The following TTC28 variants were observed in gnomAD, a reference collection of about 807,000 sequenced individuals.
TTC28 encodes the protein tetratricopeptide repeat domain 28, also known as tetratricopeptide repeat protein 28.
TTC28 carries 61 observed loss-of-function variants against 198.0 expected under a neutral mutation model. That is an observed-to-expected ratio of 0.31 (90% confidence interval 0.25 to 0.38). The LOEUF is 0.38. TTC28 is among the 10% of genes least tolerant of loss of function. The pLI is 1.00. For missense variants in TTC28, 2,678 were observed against 3,164.0 expected (o/e 0.85, Z 3.69); for synonymous variants, 1,171 against 1,297.8 (o/e 0.90, Z 2.10).
intron 1 of TTC28, among the ~76,000 whole-genome samples, chr22:28,643,831 T>G (rs2051409521): frequency 1.3e-5 from 2 of 152,220 alleles, no homozygotes; most frequent in South Asian, 4.1e-4. Flanking sequence ...TATTGAGCAC[T>G]TAATATGCCC....
At chr22:28,328,035 G>A (rs1042701510) in intron 2 of TTC28, among the ~76,000 whole-genome samples, 1 of 152,050 alleles carries the variant, frequency 6.6e-6, no homozygotes, top group African/African-American at 2.4e-5. Flanking sequence ...CAAGAGACAG[G>A]GAGTAAACAC....
At chr22:28,197,096 A>G (rs1925428990) in intron 5 of TTC28, among the ~76,000 whole-genome samples, 1 of 152,104 alleles carries the variant, frequency 6.6e-6, no homozygotes, top group South Asian at 2.1e-4. Context: ...CAGCCATAAA[A>G]AATAATGAAT....
Position 28,361,675 on chromosome 22 carries a change from T to A in TTC28, c.382-55032A>T, listed in dbSNP as rs144656796. ...CTACACCAAGCAATAGATTTTCAAT[T>A]TAAGTGCAACAGCCTTCTATTGGAA... On this transcript the variant is annotated intron_variant, in intron 2 of 22. Coordinates refer to ENST00000397906, the MANE Select transcript of TTC28 (RefSeq NM_001145418.2). Among the ~76,000 whole-genome samples the A allele has an allele frequency of 9.8e-4, 150 of 152,332 alleles. 3 individuals carry two copies. The East Asian group carries it at 0.027, about 28-fold the overall frequency.
intron 2 of TTC28, among the ~76,000 whole-genome samples, chr22:28,524,415 G>A (rs934172158): frequency 4.0e-5 from 6 of 149,040 alleles, no homozygotes; most frequent in South Asian, 2.1e-4. Flanking sequence ...AGCCGAGATC[G>A]CGCCACTGCA....
At chr22:28,153,290 C>T (rs1215448756) in intron 6 of TTC28, among the ~76,000 whole-genome samples, 2 of 151,078 alleles carry the variant, frequency 1.3e-5, no homozygotes, top group Non-Finnish European at 2.9e-5. Flanking sequence ...TACTCCAACC[C>T]ATGACTCCCA....
intron 2 of TTC28, among the ~76,000 whole-genome samples, chr22:28,579,524 T>C (rs2050202784): frequency 6.7e-6 from 1 of 149,242 alleles, no homozygotes; most frequent in African/African-American, 2.4e-5. Flanking sequence ...TGTATAGTTA[T>C]ATATAACTAT....
intron 2 of TTC28, among the ~76,000 whole-genome samples, chr22:28,581,312 G>A (rs1316681599): frequency 2.6e-5 from 4 of 152,140 alleles, no homozygotes; most frequent in Admixed American, 6.6e-5. Flanking sequence ...CACAGTACCC[G>A]TAAAGCCGGA....
intron 6 of TTC28, among the ~76,000 whole-genome samples, chr22:28,162,756 C>T (rs528297425): frequency 6.6e-6 from 1 of 152,232 alleles, no homozygotes; most frequent in South Asian, 2.1e-4. Context: ...CGAGACCAGC[C>T]TGGGCAACAT....
In TTC28 at chr22:28,505,079, AC is replaced by A. The variant is rs557679199; in HGVS notation, c.381+124472del. ...AGACCATCCTGGCTAACACGGTGAA[AC>A]CCCGTCTCTATTAAAAATACAAAAA... On this transcript the variant is annotated intron_variant, in intron 2 of 22. Coordinates refer to ENST00000397906, the MANE Select transcript of TTC28 (RefSeq NM_001145418.2). Among the ~76,000 whole-genome samples, 305 of 151,732 alleles carry A rather than the reference AC, an allele frequency of 2.0e-3. 2 individuals carry two copies. Among genetic ancestry groups the A allele is most frequent in the African/African-American group, 6.4e-3 (265 of 41,402 alleles).
Position 28,185,677 on chromosome 22 carries a change from C to T in TTC28, c.934-22078G>A, listed in dbSNP as rs989033782. On this transcript the variant is annotated intron_variant, in intron 5 of 22. Transcript: ENST00000397906. ...GTATGTTTACTTACAGATTATAAGA[C>T]TATCCTGATTTCAGAGATATTAAAA... Among the ~76,000 whole-genome samples, 14 of 152,068 alleles carry T rather than the reference C, an allele frequency of 9.2e-5. 1 individual carries two copies. The highest frequency in any genetic ancestry group is 3.1e-4 in the African/African-American group (13 of 41,406).
intron 6 of TTC28, among the ~76,000 whole-genome samples, chr22:28,113,473 C>T (rs73880395): frequency 0.068 from 10,352 of 152,208 alleles, 403 homozygotes; most frequent in South Asian, 0.09. Flanking sequence ...AATGGAGATT[C>T]GTCTCCAGTG....
intron 2 of TTC28, among the ~76,000 whole-genome samples, chr22:28,432,323 T>TA (rs902749772): frequency 2.2e-4 from 33 of 151,504 alleles, no homozygotes; most frequent in African/African-American, 7.5e-4. Context: ...AAAATAAAAA[T>TA]AAAAAAATAT....
At chr22:28,600,743 C>A (rs910132437) in intron 2 of TTC28, among the ~76,000 whole-genome samples, 8 of 152,250 alleles carry the variant, frequency 5.3e-5, no homozygotes, top group Non-Finnish European at 1.2e-4. Flanking sequence ...CAAGAGGGCG[C>A]ACAAGTCTGC....
chr22:28,531,920 G>T (rs1483584379), intron 2 of TTC28, among the ~76,000 whole-genome samples: 1 of 152,104 alleles, frequency 6.6e-6, no homozygotes, highest in East Asian at 1.9e-4. Context: ...GTGTGTAGAG[G>T]GAAATTTATA....
At chr22:28,424,709 C>G (rs1040424439) in intron 2 of TTC28, among the ~76,000 whole-genome samples, 1 of 152,192 alleles carries the variant, frequency 6.6e-6, no homozygotes, top group Admixed American at 6.5e-5. Flanking sequence ...TTATACCAAA[C>G]TATAACCACA....
At chr22:28,362,885 T>A (rs1027272548) in intron 2 of TTC28, among the ~76,000 whole-genome samples, 1 of 152,152 alleles carries the variant, frequency 6.6e-6, no homozygotes, top group Non-Finnish European at 1.5e-5. Context: ...ACTTGGGTGC[T>A]GTTAAAGGCA....
At chr22:28,171,166 G>T (rs551481772) in intron 5 of TTC28, among the ~76,000 whole-genome samples, 87 of 152,130 alleles carry the variant, frequency 5.7e-4, no homozygotes, top group Admixed American at 2.6e-4. Flanking sequence ...TCTAGTCTTT[G>T]GTTTCCAATT....
At chr22:28,333,332 G>A (rs1157362526) in intron 2 of TTC28, among the ~76,000 whole-genome samples, 1 of 152,150 alleles carries the variant, frequency 6.6e-6, no homozygotes, top group Non-Finnish European at 1.5e-5. Context: ...GAGAATGAGG[G>A]CCTCTTAATT....
rs775299578 is a variant in TTC28, at chr22:28,556,051, T to TA, written c.381+73500dup. On this transcript the variant is annotated intron_variant, in intron 2 of 22. Coordinates refer to ENST00000397906, the MANE Select transcript of TTC28 (RefSeq NM_001145418.2). Reference sequence around the variant, plus strand: ...CATGGAAAACTCAGTTTTGGTTTATTAAAAAAAAAAAATGCCCTATTTTTC... The same window carrying TA: ...CATGGAAAACTCAGTTTTGGTTTATTAAAAAAAAAAAAATGCCCTATTTTTC... Among the ~76,000 whole-genome samples, 510 of 145,742 alleles carry TA rather than the reference T, an allele frequency of 3.5e-3. 1 individual carries two copies. Among genetic ancestry groups the TA allele is most frequent in the Middle Eastern group, 0.011 (3 of 282 alleles).
Sources: gnomAD v4.1 joint callset for allele counts (sites outside exome capture counted in the v4.1 genomes callset) on GRCh38, gnomAD v4.1.1 for gene constraint, MANE v1.5 for transcripts, NCBI Gene and HGNC (gene_info 2026-07-23, HGNC 2026-07-21) for gene names.